KANK1: variants seen among roughly 807,000 people sequenced by gnomAD.
KANK1 encodes the protein KN motif and ankyrin repeat domains 1.
Under a neutral mutation model 106.2 loss-of-function variants are expected in KANK1, and 109 were observed. The ratio of observed to expected loss-of-function variants is 1.03; its 90% confidence interval spans 0.88 to 1.20. The LOEUF (loss-of-function observed/expected upper bound fraction) is 1.20. Among genes scored for constraint, KANK1 ranks in the 50% most tolerant of loss-of-function variants. The probability of loss-of-function intolerance (pLI) is 0.00; values close to 1 mark genes in which losing one functional copy is unlikely to be tolerated. For missense variants in KANK1, 2,399 were observed against 1,710.7 expected (o/e 1.40, Z -7.10); for synonymous variants, 873 against 652.2 (o/e 1.34, Z -5.16).
chr9:690,153 A>AAAAAAAC (rs1819558604), intron 2 of KANK1, among the ~76,000 whole-genome samples: 1 of 149,816 alleles, frequency 6.7e-6, no homozygotes. Context: ...AAAAAAAAAA[A>AAAAAAAC]AAACTAGCTG....
chr9:670,960 T>G (rs78049287), intron 1 of KANK1, among the ~76,000 whole-genome samples: 18 of 109,352 alleles, frequency 1.6e-4, no homozygotes, highest in Admixed American at 4.9e-4. Flanking sequence ...TTTTTTTTTT[T>G]TTTTTTTTTT....
chr9:598,851 C>T (rs1409509654), intron 1 of KANK1, among the ~76,000 whole-genome samples: 1 of 149,292 alleles, frequency 6.7e-6, no homozygotes, highest in East Asian at 2.0e-4. Flanking sequence ...AGACTGGTCT[C>T]GGACTCCTGA....
At chr9:480,576 CA>C (rs1202804837) in intron 3 of KANK1, among the ~76,000 whole-genome samples, 1 of 152,256 alleles carries the variant, frequency 6.6e-6, no homozygotes. Context: ...AGTAAGTTAC[CA>C]AAAGGATTTA....
In KANK1 at chr9:729,554, C is replaced by T. The variant is rs116023775; in HGVS notation, c.2699-497C>T. On this transcript the variant is annotated intron_variant, in intron 3 of 11. Transcript: ENST00000382297. ...GATGCAGTCCCTGTCCCAGTAAGGACGACAGGAGGAGTGGGAAATGAAGTT... is the reference window on the plus strand; with the variant it reads ...GATGCAGTCCCTGTCCCAGTAAGGATGACAGGAGGAGTGGGAAATGAAGTT... Among the ~76,000 whole-genome samples, 559 of 152,240 alleles carry T rather than the reference C, an allele frequency of 3.7e-3. 7 individuals are homozygous for T. The highest frequency in any genetic ancestry group is 0.013 in the African/African-American group (538 of 41,540).
chr9:605,114 C>G (rs1057413190), intron 1 of KANK1, among the ~76,000 whole-genome samples: 2 of 151,298 alleles, frequency 1.3e-5, no homozygotes, highest in Non-Finnish European at 2.9e-5. Context: ...CCAGCCTGAC[C>G]AACATGATGA....
intron 1 of KANK1, among the ~76,000 whole-genome samples, chr9:539,098 C>G (rs891938172): frequency 1.3e-5 from 2 of 152,158 alleles, no homozygotes; most frequent in African/African-American, 4.8e-5. Context: ...CCCAGCTGGT[C>G]TTGAACTCCT....
upstream of KANK1, among the ~76,000 whole-genome samples, chr9:503,046 A>C: frequency 1.8e-5 from 2 of 109,822 alleles, no homozygotes; most frequent in Admixed American, 1.2e-4. Flanking sequence ...ACAGAATTTC[A>C]CTGTATTGCC....
At chr9:551,769 C>T (rs1317105436) in intron 1 of KANK1, among the ~76,000 whole-genome samples, 1 of 151,868 alleles carries the variant, frequency 6.6e-6, no homozygotes, top group Non-Finnish European at 1.5e-5. Flanking sequence ...AATAAGGGGC[C>T]AGGTGCAGTG....
intron 1 of KANK1, among the ~76,000 whole-genome samples, chr9:511,096 A>G (rs1030616212): frequency 8.5e-5 from 13 of 152,214 alleles, no homozygotes; most frequent in African/African-American, 3.1e-4. Context: ...TATCGATACA[A>G]AAGGTTCACT....
chr9:644,400 C>T (rs1839196369), intron 1 of KANK1, among the ~76,000 whole-genome samples: 8 of 150,818 alleles, frequency 5.3e-5, no homozygotes, highest in Admixed American at 5.3e-4. Flanking sequence ...GGAGACTGGG[C>T]AATTTATAAA....
chr9:736,587 T>A (rs1402713930), intron 7 of KANK1, among the ~76,000 whole-genome samples: 1 of 151,908 alleles, frequency 6.6e-6, no homozygotes, highest in Admixed American at 6.6e-5. Flanking sequence ...TGGTCCTAGC[T>A]ACTTGGGAGG....
chr9:517,421 G>T (rs547947437), intron 1 of KANK1, among the ~76,000 whole-genome samples: 14 of 151,522 alleles, frequency 9.2e-5, no homozygotes, highest in Non-Finnish European at 1.9e-4. Flanking sequence ...TGTTTTGTCG[G>T]GACGGTTTCG....
chr9:658,007 G>C (rs996895303), intron 1 of KANK1, among the ~76,000 whole-genome samples: 2 of 151,658 alleles, frequency 1.3e-5, no homozygotes, highest in Non-Finnish European at 2.9e-5. Flanking sequence ...CACAAGTACT[G>C]GGACTACAGG....
Position 742,275 on chromosome 9 carries a change from G to A in KANK1, c.3767G>A (p.Cys1256Tyr), listed in dbSNP as rs754070322. The A allele has an allele frequency of 3.1e-6, 5 of 1,614,048 alleles. No homozygotes were observed. The highest frequency in any genetic ancestry group is 1.3e-5 in the African/African-American group (1 of 74,936). The change falls in exon 10 of 12, where the codon TGT becomes TAT. Residue 1256 changes from cysteine to tyrosine, a missense_variant. By Grantham distance (194) the Cys-to-Tyr change is radical. Coordinates refer to ENST00000382297, the MANE Select transcript of KANK1 (RefSeq NM_015158.5). ...RIDMVKGLLA[C>Y]GADVNIQDDE... ...GACATGGTGAAGGGCCTTCTGGCCTGTGGGGCTGATGTCAACATCCAGGAT... is the reference window on the plus strand; with the variant it reads ...GACATGGTGAAGGGCCTTCTGGCCTATGGGGCTGATGTCAACATCCAGGAT...
chr9:665,678 G>T (rs552155622), intron 1 of KANK1, among the ~76,000 whole-genome samples: 1 of 152,226 alleles, frequency 6.6e-6, no homozygotes, highest in East Asian at 1.9e-4. Flanking sequence ...AGGATTGTCT[G>T]CTCTGTTTCT....
At chr9:473,103 G>T (rs893267081) in intron 2 of KANK1, 6 of 152,316 alleles carry the variant, frequency 3.9e-5, no homozygotes, top group Admixed American at 3.9e-4. Flanking sequence ...GCAGTGAGTG[G>T]TCACCCACCA....
chr9:512,385 C>T (rs7852911), intron 1 of KANK1, among the ~76,000 whole-genome samples: 24,197 of 152,052 alleles, frequency 0.16, 3,476 homozygotes, highest in African/African-American at 0.39. Flanking sequence ...TGAAGGAGGT[C>T]TGCTGGAGAA....
At chr9:566,563 A>T (rs1817860757) in intron 1 of KANK1, among the ~76,000 whole-genome samples, 1 of 152,214 alleles carries the variant, frequency 6.6e-6, no homozygotes, top group Non-Finnish European at 1.5e-5. Context: ...GACAGGTGCG[A>T]GATGGTATCT....
chr9:484,966 A>G (rs2058266508), intron 3 of KANK1, among the ~76,000 whole-genome samples: 1 of 151,632 alleles, frequency 6.6e-6, no homozygotes, highest in African/African-American at 2.4e-5. Flanking sequence ...CATAAGACAT[A>G]AATGTGTCAA....
Sources: gnomAD v4.1 joint callset for allele counts (sites outside exome capture counted in the v4.1 genomes callset) on GRCh38, gnomAD v4.1.1 for gene constraint, MANE v1.5 for transcripts, NCBI Gene and HGNC (gene_info 2026-07-23, HGNC 2026-07-21) for gene names.